The following FHIT variants were observed in gnomAD, a reference collection of about 807,000 sequenced individuals.
FHIT encodes the protein fragile histidine triad diadenosine triphosphatase.
In FHIT, 19 loss-of-function variants were observed where a neutral mutation model predicts 17.9. The ratio of observed to expected loss-of-function variants is 1.06; its 90% CI spans 0.74 to 1.56. FHIT has a LOEUF of 1.56. Among genes scored for constraint, FHIT ranks in the 40% most tolerant of loss-of-function variants. FHIT has a pLI of 0.00. For missense variants in FHIT, 248 were observed against 189.2 expected, an observed-to-expected ratio of 1.31 and a Z score of -1.82; for synonymous variants, 81 against 69.7, an observed-to-expected ratio of 1.16 and a Z score of -0.81.
intron 5 of FHIT, among the ~76,000 whole-genome samples, chr3:60,497,533 C>T (rs1460605606): frequency 1.3e-5 from 2 of 152,054 alleles, no homozygotes; most frequent in East Asian, 1.9e-4. Context: ...TTTGGAAAAA[C>T]AATATTCTCA....
chr3:60,830,632 G>A (rs1380921864), intron 3 of FHIT, among the ~76,000 whole-genome samples: 4 of 152,118 alleles, frequency 2.6e-5, no homozygotes, highest in Non-Finnish European at 5.9e-5. Flanking sequence ...TGTTCTCTCA[G>A]TTATTTTGGA....
At chr3:61,020,414 GT>G (rs1369590000) in intron 3 of FHIT, among the ~76,000 whole-genome samples, 2 of 151,914 alleles carry the variant, frequency 1.3e-5, no homozygotes, top group African/African-American at 4.8e-5. Flanking sequence ...TTTTTTTAAG[GT>G]CTTTGTAGAT....
At chr3:60,090,475 G>A (rs1359015751) in intron 5 of FHIT, among the ~76,000 whole-genome samples, 1 of 152,128 alleles carries the variant, frequency 6.6e-6, no homozygotes, top group African/African-American at 2.4e-5. Context: ...AGTGAGCTGG[G>A]AGCATTTTCT....
At chr3:60,916,678 C>T (rs567381121) in intron 3 of FHIT, among the ~76,000 whole-genome samples, 1 of 152,192 alleles carries the variant, frequency 6.6e-6, no homozygotes, top group Non-Finnish European at 1.5e-5. Context: ...TCCACAAGTG[C>T]ATATTTCATG....
intron 8 of FHIT, among the ~76,000 whole-genome samples, chr3:59,786,607 C>T (rs1365598989): frequency 6.6e-6 from 1 of 152,194 alleles, no homozygotes; most frequent in Non-Finnish European, 1.5e-5. Context: ...ATGGAAATTG[C>T]CTGCAAATAC....
chr3:60,365,875 A>C (rs1700086495), intron 5 of FHIT, among the ~76,000 whole-genome samples: 1 of 152,170 alleles, frequency 6.6e-6, no homozygotes, highest in South Asian at 2.1e-4. Flanking sequence ...GTAACAACAA[A>C]ATATACCTGA....
chr3:60,097,024 T>TAAAAA (rs71287192), intron 5 of FHIT, among the ~76,000 whole-genome samples: 7,394 of 126,986 alleles, frequency 0.058, 356 homozygotes, highest in East Asian at 0.24. Context: ...CTGTTATTAT[T>TAAAAA]AAAAAAAAAA....
intron 8 of FHIT, among the ~76,000 whole-genome samples, chr3:59,915,248 A>G (rs1220960658): frequency 6.6e-6 from 1 of 152,212 alleles, no homozygotes; most frequent in African/African-American, 2.4e-5. Context: ...ACTCTGCACA[A>G]GAAAGCCTGA....
intron 5 of FHIT, among the ~76,000 whole-genome samples, chr3:60,314,400 A>C (rs1055024715): frequency 6.6e-6 from 1 of 152,168 alleles, no homozygotes; most frequent in African/African-American, 2.4e-5. Flanking sequence ...TAAAAGTCTA[A>C]GTTCACCCGA....
At chr3:60,931,640 G>A (rs1203641117) in intron 3 of FHIT, among the ~76,000 whole-genome samples, 1 of 152,130 alleles carries the variant, frequency 6.6e-6, no homozygotes, top group East Asian at 1.9e-4. Flanking sequence ...ACACTCCCCA[G>A]GGAGCACCTG....
At chr3:60,908,042 T>C (rs1331423461) in intron 3 of FHIT, among the ~76,000 whole-genome samples, 1 of 152,200 alleles carries the variant, frequency 6.6e-6, no homozygotes, top group Non-Finnish European at 1.5e-5. Context: ...AATAAATAAG[T>C]CTGTTTAGAG....
intron 5 of FHIT, among the ~76,000 whole-genome samples, chr3:60,529,107 T>G (rs1248549418): frequency 2.0e-5 from 3 of 152,186 alleles, no homozygotes; most frequent in Non-Finnish European, 4.4e-5. Flanking sequence ...TTGTAGAGGT[T>G]TTTAAGGATA....
chr3:60,466,775 T>G (rs1202193981), intron 5 of FHIT, among the ~76,000 whole-genome samples: 2 of 151,960 alleles, frequency 1.3e-5, no homozygotes, highest in Non-Finnish European at 2.9e-5. Context: ...TTGTTAGTAT[T>G]TTGTTGAGGA....
chr3:60,376,486 C>T (rs1700567704), intron 5 of FHIT, among the ~76,000 whole-genome samples: 1 of 152,128 alleles, frequency 6.6e-6, no homozygotes, highest in Non-Finnish European at 1.5e-5. Context: ...CACAAACATA[C>T]ATACACACAC....
intron 5 of FHIT, among the ~76,000 whole-genome samples, chr3:60,132,175 C>A (rs1699622566): frequency 6.6e-6 from 1 of 152,184 alleles, no homozygotes; most frequent in African/African-American, 2.4e-5. Flanking sequence ...ATTATTCTCT[C>A]TTCACTCTTC....
intron 2 of FHIT, among the ~76,000 whole-genome samples, chr3:61,072,585 A>G (rs1255187981): frequency 6.6e-6 from 1 of 152,208 alleles, no homozygotes; most frequent in East Asian, 1.9e-4. Flanking sequence ...CCTGCAAAGA[A>G]AAGTAACACC....
intron 5 of FHIT, among the ~76,000 whole-genome samples, chr3:60,165,326 T>A (rs1420113032): frequency 6.6e-6 from 1 of 152,214 alleles, no homozygotes; most frequent in African/African-American, 2.4e-5. Flanking sequence ...ACCAGAAGAA[T>A]GTTTTGTAGG....
intron 5 of FHIT, among the ~76,000 whole-genome samples, chr3:60,328,324 A>G (rs1288017962): frequency 6.6e-6 from 1 of 152,234 alleles, no homozygotes; most frequent in African/African-American, 2.4e-5. Context: ...TGCTATGAAG[A>G]AACACCTGAG....
At chr3:61,115,452 T>C (rs1231275999) in intron 2 of FHIT, among the ~76,000 whole-genome samples, 1 of 150,862 alleles carries the variant, frequency 6.6e-6, no homozygotes, top group Non-Finnish European at 1.5e-5. Context: ...AACTGTCCAG[T>C]GGGAGGAAGG....
Sources: gnomAD v4.1 joint callset for allele counts (sites outside exome capture counted in the v4.1 genomes callset) on GRCh38, gnomAD v4.1.1 for gene constraint, MANE v1.5 for transcripts, NCBI Gene and HGNC (gene_info 2026-07-23, HGNC 2026-07-21) for gene names.